Variants in TMEM127 observed in about 807,000 individuals in gnomAD.
TMEM127 encodes transmembrane protein 127.
A neutral mutation model predicts 20.1 loss-of-function variants in TMEM127; 21 were observed. The ratio of observed to expected loss-of-function variants is 1.04; its 90% CI spans 0.74 to 1.50. TMEM127 has a LOEUF of 1.50. Among genes scored for constraint, TMEM127 ranks in the 40% most tolerant of loss-of-function variants. The pLI is 0.00. For missense variants in TMEM127, 303 were observed against 317.4 expected (o/e 0.95, Z 0.34); for synonymous variants, 150 against 144.7 (o/e 1.04, Z -0.26).
At chr2:96,258,593 T>C (rs1392475585) in intron 2 of TMEM127, among the ~76,000 whole-genome samples, 1 of 152,148 alleles carries the variant, frequency 6.6e-6, no homozygotes, top group Non-Finnish European at 1.5e-5. Context: ...GCATCCAGCC[T>C]GGGTAACTGT....
rs144880727 is a variant in TMEM127, at chr2:96,251,986, A to C, written c.*1822T>G. The stretch of plus-strand genomic sequence containing the variant: ...CTGCCAATGACAAACTCAGGACTTA[A>C]CAGAAAGACTTAGTTCAGTTCCTTG... On this transcript the variant is annotated 3_prime_UTR_variant, in exon 4 of 4. Coordinates refer to ENST00000258439, the MANE Select transcript of TMEM127 (RefSeq NM_017849.4). 4.3e-6 allele frequency: 1 copy of C among 233,342 alleles called. No individual in the cohort carries two copies. Among genetic ancestry groups the C allele is most frequent in the Non-Finnish European group, 8.5e-6 (1 of 117,812 alleles). The allele number at this position is 233,342 out of a possible 1,614,324, so 14.5% of individuals were successfully genotyped here. A position where few individuals can be genotyped will look rare whatever the true frequency, so the allele number is the denominator to read the frequency against.
At position 96,255,016 on chromosome 2, in the gene TMEM127, A is replaced by ATT; in HGVS notation, c.245-21_245-20dup. 1 of 1,613,822 alleles carries ATT rather than the reference A, an allele frequency of 6.2e-7. No homozygotes were observed. Among genetic ancestry groups the ATT allele is most frequent in the South Asian group, 1.1e-5 (1 of 91,060 alleles). On this transcript the variant is annotated intron_variant, in intron 2 of 3. Transcript: ENST00000258439. ...CAGAAATCTGTAGAGGGAGAACCAA[A>ATT]TTTTCACGGCCCCAAGTAACACTTG...
rs1425242931 is a variant in TMEM127, at chr2:96,249,883, T to C, written c.*3925A>G. ...CCTCTTCCTGTGTCCCAGGGTCCTCTCCTTGCGGCCCTTCACATCCCATGG... is the reference window on the plus strand; with the variant it reads ...CCTCTTCCTGTGTCCCAGGGTCCTCCCCTTGCGGCCCTTCACATCCCATGG... On this transcript the variant is annotated 3_prime_UTR_variant, in exon 4 of 4. Transcript: ENST00000258439. The C allele has an allele frequency of 1.3e-5, 3 of 233,100 alleles. No homozygotes were observed. Among genetic ancestry groups the C allele is most frequent in the Admixed American group, 5.6e-5 (1 of 17,772 alleles). The allele number at this position is 233,100 out of a possible 1,614,324, so 14.4% of individuals were successfully genotyped here. A position where few individuals can be genotyped will look rare whatever the true frequency, so the allele number is the denominator to read the frequency against.
At chr2:96,265,723 G>A (rs1023529667) in intron 1 of TMEM127, 146 bp downstream of exon 1, 1 of 254,184 alleles carries the variant, frequency 3.9e-6, no homozygotes, top group Non-Finnish European at 7.5e-6. Context: ...GCAAAGACCC[G>A]GAGTCAGGGT....
At chr2:96,255,804 C>T (rs573246425) in intron 2 of TMEM127, among the ~76,000 whole-genome samples, 2 of 151,874 alleles carry the variant, frequency 1.3e-5, no homozygotes, top group Non-Finnish European at 2.9e-5. Flanking sequence ...ATAGTGAGAC[C>T]CCGTCTCTTT....
chr2:96,253,688 T>G lies in TMEM127; in HGVS notation c.*120A>C. 1 of 1,131,122 alleles carries G rather than the reference T, an allele frequency of 8.8e-7. No homozygotes were observed. Among genetic ancestry groups the G allele is most frequent in the Non-Finnish European group, 1.2e-6 (1 of 805,800 alleles). The allele number at this position is 1,131,122 out of a possible 1,614,324, so 70.1% of individuals were successfully genotyped here. A position where few individuals can be genotyped will look rare whatever the true frequency, so the allele number is the denominator to read the frequency against. On this transcript the variant is annotated 3_prime_UTR_variant, in exon 4 of 4. Transcript: ENST00000258439. The surrounding 1 kb of genome is among the most constrained non-coding windows in gnomAD (Gnocchi z 4.3). The stretch of plus-strand genomic sequence containing the variant: ...AGGCAGAGTCTCTCCTGGGGAAGGT[T>G]TGGAGAAGATGGTCAGGATCCTACC...
rs147990530 is a variant in TMEM127, at chr2:96,264,187, G to A, written c.244+951C>T. ...AGCAGAGTATGGTCCGATGCACAGC[G>A]GGGAACTTGGACCTTTTCACCAAAT... On this transcript the variant is annotated intron_variant, in intron 2 of 3. Transcript: ENST00000258439. Among the ~76,000 whole-genome samples, 374 of 152,304 alleles carry A rather than the reference G, an allele frequency of 2.5e-3. 3 individuals are homozygous for A. Among genetic ancestry groups the A allele is most frequent in the African/African-American group, 8.4e-3 (351 of 41,578 alleles).
At chr2:96,257,071 T>C (rs1389508071) in intron 2 of TMEM127, among the ~76,000 whole-genome samples, 1 of 152,210 alleles carries the variant, frequency 6.6e-6, no homozygotes, top group African/African-American at 2.4e-5. Context: ...CTGGGGGTCA[T>C]GGTGCAGGGA....
Position 96,265,500 on chromosome 2 carries a change from A to G in TMEM127, c.-119T>C. On this transcript the variant is annotated 5_prime_UTR_variant, in exon 2 of 4. Transcript: ENST00000258439. The stretch of plus-strand genomic sequence containing the variant: ...AACGCTCCGGGTTCGCTGCAGGTGA[A>G]GCCGGGACTGGGCTGTCAGGGTTGA... 8.1e-7 allele frequency: 1 copy of G among 1,238,558 alleles called. No homozygotes were observed. The highest frequency in any genetic ancestry group is 1.0e-6 in the Non-Finnish European group (1 of 985,294). 76.7% of individuals were successfully genotyped at this position (1,238,558 alleles called of 1,614,324 possible). A position where few individuals can be genotyped will look rare whatever the true frequency, so the allele number is the denominator to read the frequency against.
rs763084272 is a variant in TMEM127 at position 96,265,189 on chromosome 2, C to T, written c.193G>A (p.Glu65Lys). The change falls in exon 2 of 4, where the codon GAG (glutamate) becomes AAG (lysine). Residue 65 changes from glutamate to lysine, a missense_variant. Coordinates refer to ENST00000258439, the MANE Select transcript of TMEM127 (RefSeq NM_017849.4). ...HIHGGTCSRQ[E>K]LGVSDVLGYV... The stretch of plus-strand genomic sequence containing the variant: ...CCCAACACGTCGGAGACCCCCAGCT[C>T]CTGGCGCGAACAGGTGCCTCCGTGG... The T allele has an allele frequency of 1.9e-6, 3 of 1,610,162 alleles. No individual in the cohort carries two copies. Among genetic ancestry groups the T allele is most frequent in the South Asian group, 2.2e-5 (2 of 90,466 alleles).
chr2:96,258,791 G>A (rs1445954693), intron 2 of TMEM127, among the ~76,000 whole-genome samples: 1 of 152,166 alleles, frequency 6.6e-6, no homozygotes, highest in Non-Finnish European at 1.5e-5. Context: ...TGGGGTCCAC[G>A]TGGCATGTGG....
At position 96,249,493 on chromosome 2, in the gene TMEM127, T is replaced by G. The variant is rs1345684123; in HGVS notation, c.*4315A>C. 1 of 226,632 alleles carries G rather than the reference T, an allele frequency of 4.4e-6. No homozygotes were observed. The highest frequency in any genetic ancestry group is 6.3e-5 in the East Asian group (1 of 15,884). 14.0% of individuals were successfully genotyped at this position (226,632 alleles called of 1,614,324 possible). A position where few individuals can be genotyped will look rare whatever the true frequency, so the allele number is the denominator to read the frequency against. ...ACATTTTCAGGCTTGGTGCAGTGGCTCAAGCCTGTAATCCCAACCCTTTGG... is the reference window on the plus strand; with the variant it reads ...ACATTTTCAGGCTTGGTGCAGTGGCGCAAGCCTGTAATCCCAACCCTTTGG... On this transcript the variant is annotated 3_prime_UTR_variant, in exon 4 of 4. Coordinates refer to ENST00000258439, the MANE Select transcript of TMEM127 (RefSeq NM_017849.4).
intron 1 of TMEM127, 147 bp downstream of exon 1, chr2:96,265,722 C>G (rs1684408874): frequency 3.9e-6 from 1 of 253,372 alleles, no homozygotes; most frequent in East Asian, 6.8e-5. Flanking sequence ...AGCAAAGACC[C>G]GGAGTCAGGG....
intron 2 of TMEM127, among the ~76,000 whole-genome samples, chr2:96,256,137 C>T (rs1049076010): frequency 2.6e-5 from 4 of 151,298 alleles, no homozygotes; most frequent in African/African-American, 7.3e-5. Context: ...TGGGTGTGAT[C>T]GCATGCGCCT....
rs1684035912 is a variant in TMEM127, at chr2:96,249,116, GTT to G, written c.*4690_*4691del. 1 of 229,114 alleles carries G rather than the reference GTT, an allele frequency of 4.4e-6. No individual in the cohort carries two copies. The highest frequency in any genetic ancestry group is 2.2e-5 in the African/African-American group (1 of 44,992). The allele number at this position is 229,114 out of a possible 1,614,324, so 14.2% of individuals were successfully genotyped here. On this transcript the variant is annotated 3_prime_UTR_variant, in exon 4 of 4. Coordinates refer to ENST00000258439, the MANE Select transcript of TMEM127 (RefSeq NM_017849.4). ...GGTGTGTGTGTGTGTGTGTGTGTGT[GTT>G]TGAGATGGAGTCTCACTCTGTCAGG...
chr2:96,254,139 G>C (rs1442614589), intron 3 of TMEM127, 24 bp from the exon 4 acceptor site: 3 of 1,611,822 alleles, frequency 1.9e-6, no homozygotes, highest in Non-Finnish European at 1.7e-6. Context: ...GGACAGCACA[G>C]AAGGGGAATT....
intron 2 of TMEM127, among the ~76,000 whole-genome samples, chr2:96,263,251 C>T (rs1684347054): frequency 6.6e-6 from 1 of 151,324 alleles, no homozygotes; most frequent in South Asian, 2.1e-4. Flanking sequence ...GACAGGGTTT[C>T]TTTCACCATG....
chr2:96,259,595 A>T (rs1056106641), intron 2 of TMEM127, among the ~76,000 whole-genome samples: 1 of 152,224 alleles, frequency 6.6e-6, no homozygotes, highest in African/African-American at 2.4e-5. Flanking sequence ...AAAACCTGCC[A>T]GGCATGGTGT....
Position 96,252,040 on chromosome 2 carries a change from C to T in TMEM127, c.*1768G>A, listed in dbSNP as rs910983020. ...TTGTGCTCAGGCATCACATAGCAGG[C>T]AGCCTGCAGCCTTTCTTGCCTGAGA... On this transcript the variant is annotated 3_prime_UTR_variant, in exon 4 of 4. Coordinates refer to ENST00000258439, the MANE Select transcript of TMEM127 (RefSeq NM_017849.4). The surrounding 1 kb of genome is among the most constrained non-coding windows in gnomAD (Gnocchi z 4.2). 1 of 233,398 alleles carries T rather than the reference C, an allele frequency of 4.3e-6. No homozygotes were observed. Among genetic ancestry groups the T allele is most frequent in the Non-Finnish European group, 8.5e-6 (1 of 117,890 alleles). 14.5% of individuals were successfully genotyped at this position (233,398 alleles called of 1,614,324 possible).
Sources: allele counts gnomAD v4.1 joint callset (sites outside exome capture counted in the v4.1 genomes callset), GRCh38; gene constraint gnomAD v4.1.1; non-coding constraint Gnocchi (gnomAD v3.1); transcripts MANE v1.5; gene names NCBI Gene and HGNC (gene_info 2026-07-23, HGNC 2026-07-21).